Variants in EYA4 observed in about 807,000 individuals in gnomAD.
EYA4 encodes EYA transcriptional coactivator and phosphatase 4.
EYA4 carries 31 observed loss-of-function variants against 87.9 expected under a neutral mutation model. The observed-to-expected ratio is 0.35, with a 90% CI of 0.27 to 0.48. The LOEUF (loss-of-function observed/expected upper bound fraction) is 0.48, where lower values mean the gene tolerates loss of function less well. Ranked by LOEUF, EYA4 falls within the 20% of genes least tolerant of loss-of-function variation. EYA4 has a pLI of 0.99. For synonymous variants in EYA4, 263 were observed against 270.6 expected (o/e 0.97, Z 0.28); for missense variants, 678 against 761.4 (o/e 0.89, Z 1.29).
At chr6:133,277,387 A>G (rs1299596916) in intron 2 of EYA4, among the ~76,000 whole-genome samples, 1 of 152,212 alleles carries the variant, frequency 6.6e-6, no homozygotes, top group Admixed American at 6.5e-5. Flanking sequence ...ATGATACAAC[A>G]TAATAGGTAG....
intron 2 of EYA4, among the ~76,000 whole-genome samples, chr6:133,315,018 T>C (rs1268099453): frequency 2.0e-5 from 3 of 152,170 alleles, no homozygotes; most frequent in Non-Finnish European, 4.4e-5. Context: ...ATATAAACTG[T>C]TGCGTCTCCC....
intron 3 of EYA4, among the ~76,000 whole-genome samples, chr6:133,404,644 G>A (rs1457164554): frequency 6.6e-6 from 1 of 152,140 alleles, no homozygotes; most frequent in African/African-American, 2.4e-5. Context: ...TCCAGTTGTT[G>A]GCTTGAATAG....
intron 13 of EYA4, among the ~76,000 whole-genome samples, chr6:133,495,855 C>T (rs1034387145): frequency 6.6e-6 from 1 of 152,112 alleles, no homozygotes; most frequent in Non-Finnish European, 1.5e-5. Flanking sequence ...AGCTGATGGT[C>T]CTGGGCTGCA....
Position 133,530,850 on chromosome 6 carries a change from A to C in EYA4, c.*2045A>C. On this transcript the variant is annotated 3_prime_UTR_variant, in exon 20 of 20. Coordinates refer to ENST00000355286, the MANE Select transcript of EYA4 (RefSeq NM_004100.5). The stretch of plus-strand genomic sequence containing the variant: ...GAATACCTTTAATAATATAAAAATA[A>C]TGATAGTAAATCTTATACTTCTGTT... 1 of 1,004,374 alleles carries C rather than the reference A, an allele frequency of 1.0e-6. No homozygotes were observed. Among genetic ancestry groups the C allele is most frequent in the Non-Finnish European group, 1.2e-6 (1 of 840,272 alleles). 62.2% of individuals were successfully genotyped at this position (1,004,374 alleles called of 1,614,324 possible).
At chr6:133,436,465 C>T (rs1562419007) in intron 3 of EYA4, among the ~76,000 whole-genome samples, 1 of 152,160 alleles carries the variant, frequency 6.6e-6, no homozygotes, top group Non-Finnish European at 1.5e-5. Context: ...TATTCATTAG[C>T]ACCCACTAAA....
At chr6:133,280,124 G>A (rs9321395) in intron 2 of EYA4, among the ~76,000 whole-genome samples, 41,575 of 151,946 alleles carry the variant, frequency 0.27, 6,349 homozygotes, top group East Asian at 0.49. Flanking sequence ...CTGTATCGAA[G>A]AACTTGACCT....
chr6:133,363,857 C>T (rs1784657199), intron 2 of EYA4, among the ~76,000 whole-genome samples: 1 of 152,150 alleles, frequency 6.6e-6, no homozygotes, highest in Non-Finnish European at 1.5e-5. Context: ...GCCCAACAGG[C>T]CTGGGTTGTC....
At chr6:133,306,383 G>A (rs1779811459) in intron 2 of EYA4, among the ~76,000 whole-genome samples, 2 of 152,158 alleles carry the variant, frequency 1.3e-5, no homozygotes, top group African/African-American at 2.4e-5. Context: ...GGTTCTGATA[G>A]GTAGAATCTG....
At chr6:133,438,316 C>T (rs1181780597) in intron 3 of EYA4, among the ~76,000 whole-genome samples, 1 of 151,068 alleles carries the variant, frequency 6.6e-6, no homozygotes, top group Non-Finnish European at 1.5e-5. Context: ...TTTTGTTTTT[C>T]AGGGGTAACA....
chr6:133,464,288 T>C (rs1794658731), intron 9 of EYA4, among the ~76,000 whole-genome samples: 2 of 152,280 alleles, frequency 1.3e-5, no homozygotes, highest in Non-Finnish European at 1.5e-5. Flanking sequence ...TTCACAGCTA[T>C]TTTTGTTCTA....
intron 1 of EYA4, among the ~76,000 whole-genome samples, chr6:133,252,135 A>T (rs1486392747): frequency 6.6e-6 from 1 of 152,220 alleles, no homozygotes; most frequent in African/African-American, 2.4e-5. Context: ...TTGTCAGTAG[A>T]TAGTTTGGAT....
intron 4 of EYA4, among the ~76,000 whole-genome samples, chr6:133,446,974 GAGCAACATTTCAA>G: frequency 6.6e-6 from 1 of 152,016 alleles, no homozygotes; most frequent in Non-Finnish European, 1.5e-5. Flanking sequence ...AGATAGCATT[GAGCAACATTTCAA>G]GGGCCTTGAA....
intron 1 of EYA4, among the ~76,000 whole-genome samples, chr6:133,255,781 A>G (rs1365803351): frequency 6.6e-6 from 1 of 152,050 alleles, no homozygotes; most frequent in Non-Finnish European, 1.5e-5. Context: ...TATTTAATGT[A>G]TGCAGATATT....
At chr6:133,485,283 T>G (rs1190529432) in intron 13 of EYA4, among the ~76,000 whole-genome samples, 2 of 152,126 alleles carry the variant, frequency 1.3e-5, no homozygotes, top group Non-Finnish European at 2.9e-5. Flanking sequence ...ATGCATCCTC[T>G]GTGCTTCTAG....
At chr6:133,330,454 G>A (rs1781838823) in intron 2 of EYA4, among the ~76,000 whole-genome samples, 1 of 151,520 alleles carries the variant, frequency 6.6e-6, no homozygotes, top group South Asian at 2.1e-4. Context: ...GGAAGATCAT[G>A]TCACATTTTC....
intron 19 of EYA4, among the ~76,000 whole-genome samples, chr6:133,528,277 C>T (rs1800796972): frequency 6.6e-6 from 1 of 152,072 alleles, no homozygotes; most frequent in South Asian, 2.1e-4. Flanking sequence ...AATTCACCCT[C>T]TTTTCTTCCT....
At chr6:133,255,221 A>AT (rs1194144288) in intron 1 of EYA4, among the ~76,000 whole-genome samples, 2 of 152,160 alleles carry the variant, frequency 1.3e-5, no homozygotes, top group African/African-American at 4.8e-5. Flanking sequence ...AGAGAAGGAA[A>AT]TTCATGCTGC....
At chr6:133,410,936 C>G (rs1583206452) in intron 3 of EYA4, among the ~76,000 whole-genome samples, 1 of 151,990 alleles carries the variant, frequency 6.6e-6, no homozygotes, top group Non-Finnish European at 1.5e-5. Context: ...TGGGGATGAG[C>G]CCTCAGCCCC....
chr6:133,337,331 A>G (rs1003867733), intron 2 of EYA4, among the ~76,000 whole-genome samples: 4 of 151,898 alleles, frequency 2.6e-5, no homozygotes, highest in Admixed American at 6.5e-5. Context: ...GATATGAGAA[A>G]TGAATAAATT....
Sources: gnomAD v4.1 joint callset for allele counts (sites outside exome capture counted in the v4.1 genomes callset) on GRCh38, gnomAD v4.1.1 for gene constraint, MANE v1.5 for transcripts, NCBI Gene and HGNC (gene_info 2026-07-23, HGNC 2026-07-21) for gene names.